SGCD: variants seen among roughly 807,000 people sequenced by gnomAD.
SGCD encodes the protein sarcoglycan delta, also known as delta-sarcoglycan.
Under a neutral mutation model 36.6 loss-of-function variants are expected in SGCD, and 18 were observed. The ratio of observed to expected loss-of-function variants is 0.49; its 90% CI spans 0.34 to 0.73. SGCD has a LOEUF of 0.73. SGCD is among the 30% of genes least tolerant of loss of function. The pLI is 0.01. For missense variants in SGCD, 387 were observed against 346.7 expected (o/e 1.12, Z -0.92); for synonymous variants, 133 against 130.6 (o/e 1.02, Z -0.12).
At chr5:156,324,414 C>T (rs1026155434), upstream of SGCD, among the ~76,000 whole-genome samples, 9 of 152,022 alleles carry the variant, frequency 5.9e-5, no homozygotes, top group Non-Finnish European at 1.3e-4. Flanking sequence ...CTTGAGAGGG[C>T]CTGTGAAACA....
At chr5:155,883,584 C>T (rs1433848530) in intron 1 of SGCD, among the ~76,000 whole-genome samples, 1 of 151,862 alleles carries the variant, frequency 6.6e-6, no homozygotes, top group Non-Finnish European at 1.5e-5. Flanking sequence ...TACAGTTTGC[C>T]ATCTGATATG....
At chr5:155,744,201 C>T in the SGCD span, among the ~76,000 whole-genome samples, 22 of 152,178 alleles carry the variant, frequency 1.4e-4, no homozygotes, top group Non-Finnish European at 5.9e-5. Context: ...GTGACTCACG[C>T]CTGTAATCCC....
intron 6 of SGCD, among the ~76,000 whole-genome samples, chr5:156,643,367 G>A (rs1305388571): frequency 6.6e-6 from 1 of 152,020 alleles, no homozygotes; most frequent in African/African-American, 2.4e-5. Context: ...GTGTACACTA[G>A]TGGAGGATAC....
intron 1 of SGCD, among the ~76,000 whole-genome samples, chr5:156,085,956 T>A (rs1761081541): frequency 6.6e-6 from 1 of 152,252 alleles, no homozygotes; most frequent in African/African-American, 2.4e-5. Context: ...CCCATGTTTG[T>A]CTCTTCTTGT....
the SGCD span, among the ~76,000 whole-genome samples, chr5:155,743,465 AAC>A: frequency 6.6e-6 from 1 of 152,228 alleles, no homozygotes; most frequent in Non-Finnish European, 1.5e-5. Context: ...ATGTCACAAT[AAC>A]ACAAACTAAG....
chr5:156,238,748 C>T (rs1469994532), intron 3 of SGCD, among the ~76,000 whole-genome samples: 2 of 152,026 alleles, frequency 1.3e-5, no homozygotes, highest in Non-Finnish European at 2.9e-5. Context: ...TGCCAATATC[C>T]CTAATGAAGG....
intron 6 of SGCD, among the ~76,000 whole-genome samples, chr5:156,629,058 A>C (rs975023982): frequency 3.3e-5 from 5 of 152,198 alleles, no homozygotes; most frequent in African/African-American, 1.2e-4. Context: ...TTAACTCTCA[A>C]AACTTCAGTT....
chr5:156,070,444 T>G (rs1367594898), intron 1 of SGCD, among the ~76,000 whole-genome samples: 1 of 150,844 alleles, frequency 6.6e-6, no homozygotes, highest in East Asian at 1.9e-4. Flanking sequence ...TATTGATTTG[T>G]GTATATTGAA....
chr5:156,420,874 T>C (rs1773272461), intron 3 of SGCD, among the ~76,000 whole-genome samples: 1 of 152,128 alleles, frequency 6.6e-6, no homozygotes, highest in African/African-American at 2.4e-5. Flanking sequence ...CTGTTGGTGA[T>C]CCATGCTTCA....
chr5:156,238,165 A>C (rs1421568174), intron 3 of SGCD, among the ~76,000 whole-genome samples: 1 of 152,120 alleles, frequency 6.6e-6, no homozygotes. Context: ...CTCTTCTCAA[A>C]TTCCTGGGCT....
At chr5:155,757,088 G>A in the SGCD span, among the ~76,000 whole-genome samples, 1 of 152,158 alleles carries the variant, frequency 6.6e-6, no homozygotes, top group African/African-American at 2.4e-5. Context: ...CTTGTCAATG[G>A]GGCTTCTGCC....
rs76267950 is a variant in SGCD, at chr5:156,027,535, T to C, written c.-281-90343T>C. Among the ~76,000 whole-genome samples the C allele has an allele frequency of 5.6e-3, 860 of 152,324 alleles. 3 individuals are homozygous for C. The highest frequency in any genetic ancestry group is 7.8e-3 in the Non-Finnish European group (532 of 68,022). On this transcript the variant is annotated intron_variant, in intron 1 of 9. Transcript: ENST00000517913. ...GCAGATATCATGATGAATTTTATTC[T>C]AGTCTTTTTTCCTTAGATGACAGGG...
chr5:156,418,704 G>T (rs770117500), intron 3 of SGCD, among the ~76,000 whole-genome samples: 8 of 152,168 alleles, frequency 5.3e-5, no homozygotes, highest in Non-Finnish European at 4.4e-5. Context: ...AAAGTGGTTA[G>T]GTGCAGGACA....
At chr5:156,011,722 G>A (rs1191184435) in intron 1 of SGCD, among the ~76,000 whole-genome samples, 3 of 152,278 alleles carry the variant, frequency 2.0e-5, no homozygotes, top group Non-Finnish European at 2.9e-5. Context: ...ACAGGCGTGC[G>A]CCTCGGTGCC....
At chr5:155,765,385 GAGA>G in the SGCD span, among the ~76,000 whole-genome samples, 3 of 131,814 alleles carry the variant, frequency 2.3e-5, no homozygotes, top group East Asian at 2.4e-4. Flanking sequence ...GAAGGAAAAA[GAGA>G]AGGAGGGGAA....
intron 1 of SGCD, among the ~76,000 whole-genome samples, chr5:155,904,039 C>T (rs371437515): frequency 2.0e-4 from 30 of 152,274 alleles, no homozygotes; most frequent in East Asian, 1.9e-3. Flanking sequence ...GCTCACTCTG[C>T]TGCGTGTGTG....
At chr5:156,505,163 G>T (rs917672444) in intron 3 of SGCD, among the ~76,000 whole-genome samples, 1 of 152,150 alleles carries the variant, frequency 6.6e-6, no homozygotes, top group Non-Finnish European at 1.5e-5. Flanking sequence ...TTGGACATCC[G>T]CATTGCCGTG....
At chr5:156,387,796 G>T (rs138340815) in intron 3 of SGCD, among the ~76,000 whole-genome samples, 12 of 152,174 alleles carry the variant, frequency 7.9e-5, no homozygotes, top group South Asian at 6.2e-4. Flanking sequence ...GAAGAAATGA[G>T]TATTGCCTTT....
chr5:156,716,601 T>C (rs1417185125), intron 7 of SGCD, among the ~76,000 whole-genome samples: 1 of 152,242 alleles, frequency 6.6e-6, no homozygotes, highest in East Asian at 1.9e-4. Flanking sequence ...GCTAGGCATA[T>C]AGTAACCACT....
Sources: allele counts gnomAD v4.1 joint callset (sites outside exome capture counted in the v4.1 genomes callset), GRCh38; gene constraint gnomAD v4.1.1; transcripts MANE v1.5; gene names NCBI Gene and HGNC (gene_info 2026-07-23, HGNC 2026-07-21).